Variants in RANBP10 observed in about 807,000 individuals in gnomAD.
The protein encoded by RANBP10 is RAN binding protein 10, also known as ran-binding protein 10.
Under a neutral mutation model 72.8 loss-of-function variants are expected in RANBP10, and 24 were observed. The observed-to-expected ratio is 0.33, with a 90% CI of 0.24 to 0.46. The LOEUF (loss-of-function observed/expected upper bound fraction) is 0.46, where lower values mean the gene tolerates loss of function less well. Ranked by LOEUF, RANBP10 falls within the 20% of genes least tolerant of loss-of-function variation. The pLI is 1.00. For missense variants in RANBP10, 679 were observed against 817.5 expected, an observed-to-expected ratio of 0.83 and a Z score of 2.07; for synonymous variants, 310 against 322.3, an observed-to-expected ratio of 0.96 and a Z score of 0.41.
chr16:67,786,753 CCTGTCTCTACTAAAA>C (rs1481482353), intron 2 of RANBP10, among the ~76,000 whole-genome samples: 1 of 150,338 alleles, frequency 6.7e-6, no homozygotes, highest in Non-Finnish European at 1.5e-5. Flanking sequence ...CTTGGTGAAA[CCTGTCTCTACTAAAA>C]ATACAAAAAT....
At chr16:67,788,256 ATTT>A (rs1296030447) in intron 2 of RANBP10, among the ~76,000 whole-genome samples, 1 of 150,440 alleles carries the variant, frequency 6.6e-6, no homozygotes, top group Admixed American at 6.6e-5. Flanking sequence ...GCCTCTACAA[ATTT>A]TTTTTTCTTT....
At chr16:67,739,262 C>T (rs866591494) in intron 4 of RANBP10, among the ~76,000 whole-genome samples, 20 of 152,180 alleles carry the variant, frequency 1.3e-4, no homozygotes, top group Admixed American at 8.5e-4. Flanking sequence ...TACCGCACCT[C>T]GCCCCTTTTC....
intron 3 of RANBP10, among the ~76,000 whole-genome samples, chr16:67,770,908 G>A (rs567269774): frequency 2.0e-5 from 3 of 152,280 alleles, no homozygotes; most frequent in South Asian, 2.1e-4. Flanking sequence ...TGCCAAGATC[G>A]CGCCACTACA....
intron 3 of RANBP10, among the ~76,000 whole-genome samples, chr16:67,761,870 C>T (rs2054401558): frequency 6.6e-6 from 1 of 152,100 alleles, no homozygotes; most frequent in African/African-American, 2.4e-5. Flanking sequence ...CGTGCCCGGA[C>T]ATACATAAAC....
At chr16:67,806,257 A>C in intron 1 of RANBP10, 45 bp downstream of exon 1, 1 of 1,528,506 alleles carries the variant, frequency 6.5e-7, no homozygotes, top group East Asian at 2.4e-5. Context: ...GAGCCACCCC[A>C]CGGACGCTCT....
At chr16:67,800,703 A>G (rs1409235209) in intron 2 of RANBP10, among the ~76,000 whole-genome samples, 2 of 152,140 alleles carry the variant, frequency 1.3e-5, no homozygotes, top group African/African-American at 2.4e-5. Flanking sequence ...GTTGAAGCCC[A>G]TCAGTCTGTG....
At chr16:67,765,199 CAAAAAAAAAAAAAAA>C (rs569942198) in intron 3 of RANBP10, among the ~76,000 whole-genome samples, 4 of 11,652 alleles carry the variant, frequency 3.4e-4, no homozygotes, top group East Asian at 5.4e-3. Context: ...GACTCCATCT[CAAAAAAAAAAAAAAA>C]AAAAAAAAAA....
At chr16:67,796,835 G>T (rs1295347720) in intron 2 of RANBP10, among the ~76,000 whole-genome samples, 1 of 152,120 alleles carries the variant, frequency 6.6e-6, no homozygotes, top group Non-Finnish European at 1.5e-5. Context: ...TGACAGAAGG[G>T]CTAGGCTCTG....
At chr16:67,765,709 G>A (rs547899628) in intron 3 of RANBP10, among the ~76,000 whole-genome samples, 11 of 151,978 alleles carry the variant, frequency 7.2e-5, no homozygotes, top group Admixed American at 2.6e-4. Context: ...GGTGGTGGGC[G>A]CCTGTAGTCT....
At chr16:67,727,239 C>G (rs1287163208) in intron 13 of RANBP10, 88 bp downstream of exon 13, 2 of 1,290,044 alleles carry the variant, frequency 1.6e-6, no homozygotes, top group Non-Finnish European at 2.1e-6. Flanking sequence ...GTGGAGATTG[C>G]TGTGAGCCAA....
intron 3 of RANBP10, among the ~76,000 whole-genome samples, chr16:67,768,170 G>C (rs1041344711): frequency 6.6e-6 from 1 of 151,900 alleles, no homozygotes. Context: ...TGAGTGGACT[G>C]CTTGAGCTCA....
chr16:67,737,947 C>T, intron 5 of RANBP10, 66 bp downstream of exon 5: 1 of 1,520,674 alleles, frequency 6.6e-7, no homozygotes, highest in Non-Finnish European at 8.9e-7. Context: ...CTTGCAGGTA[C>T]CACCGTGCCC....
intron 3 of RANBP10, among the ~76,000 whole-genome samples, chr16:67,763,975 G>A (rs1160680709): frequency 1.3e-5 from 2 of 152,176 alleles, no homozygotes; most frequent in African/African-American, 2.4e-5. Context: ...GGGATTACAG[G>A]CATGAGCCAC....
In RANBP10 at chr16:67,729,989, C is replaced by T. The variant is rs563799616; in HGVS notation, c.947G>A (p.Arg316His). The T allele has an allele frequency of 2.2e-5, 35 of 1,613,670 alleles. No individual in the cohort carries two copies. The highest frequency in any genetic ancestry group is 6.7e-5 in the Admixed American group (4 of 60,026). The change falls in exon 8 of 14, where the codon CGC (arginine) becomes CAC (histidine). Residue 316 changes from arginine (R) to histidine (H), a missense_variant. By Grantham distance (29) the Arg-to-His change is conservative (BLOSUM62 0). Transcript: ENST00000317506. The surrounding 1 kb of genome is among the most constrained non-coding windows in gnomAD (Gnocchi z 7.1). Reference protein sequence around the residue: ...RVGEAIETTQRFYPGLLEHNP... With the variant: ...RVGEAIETTQHFYPGLLEHNP... ...GTGCTCCAGCAGCCCTGGGTAGAAG[C>T]GCTGGGTGGTCTCGATGGCCTCGCC...
At position 67,731,535 on chromosome 16, in the gene RANBP10, C is replaced by T; in HGVS notation, c.826G>A (p.Ala276Thr). The change falls in exon 7 of 14, where the codon GCT becomes ACT. Residue 276 changes from alanine to threonine, a missense_variant. Physicochemically the swap from Ala to Thr is moderately conservative, Grantham distance 58. Coordinates refer to ENST00000317506, the MANE Select transcript of RANBP10 (RefSeq NM_020850.3). ...GGGGTTTCAGTCATTCGAGCAAAAG[C>T]CGTGGCTGTGGCACAATACCCATGA... ...VHHGYCATAT[A>T]FARMTETPIQ... 6.2e-7 allele frequency: 1 copy of T among 1,614,186 alleles called. No individual in the cohort carries two copies. Among genetic ancestry groups the T allele is most frequent in the South Asian group, 1.1e-5 (1 of 91,084 alleles).
At chr16:67,793,436 C>G (rs908623654) in intron 2 of RANBP10, among the ~76,000 whole-genome samples, 3 of 151,580 alleles carry the variant, frequency 2.0e-5, no homozygotes, top group East Asian at 1.9e-4. Flanking sequence ...CTCAGCCTCC[C>G]GAGTAGCTAG....
At chr16:67,751,416 G>C (rs1451128640) in intron 3 of RANBP10, among the ~76,000 whole-genome samples, 2 of 152,210 alleles carry the variant, frequency 1.3e-5, no homozygotes, top group Non-Finnish European at 2.9e-5. Flanking sequence ...TTGTGGCCAG[G>C]AGTTTGAAAC....
chr16:67,771,569 T>C (rs1321938447), intron 3 of RANBP10, among the ~76,000 whole-genome samples: 1 of 152,152 alleles, frequency 6.6e-6, no homozygotes, highest in African/African-American at 2.4e-5. Context: ...GGTCTCGAAC[T>C]CCTGACCTCA....
At chr16:67,782,011 C>T (rs574356551) in intron 2 of RANBP10, among the ~76,000 whole-genome samples, 12 of 152,340 alleles carry the variant, frequency 7.9e-5, no homozygotes, top group African/African-American at 2.9e-4. Flanking sequence ...CTCAAGTCTG[C>T]TGAAACCCTG....
Sources: gnomAD v4.1 joint callset for allele counts (sites outside exome capture counted in the v4.1 genomes callset) on GRCh38, gnomAD v4.1.1 for gene constraint, Gnocchi (gnomAD v3.1) non-coding constraint, MANE v1.5 for transcripts, NCBI Gene and HGNC (gene_info 2026-07-23, HGNC 2026-07-21) for gene names.